The following RAB2B variants were observed in gnomAD, a reference collection of about 807,000 sequenced individuals.
The protein encoded by RAB2B is ras-related protein Rab-2B.
A neutral mutation model predicts 29.8 loss-of-function variants in RAB2B; 20 were observed. The observed-to-expected ratio is 0.67, with a 90% CI of 0.47 to 0.97. RAB2B has a LOEUF of 0.97. Ranked by LOEUF, RAB2B falls within the 50% of genes least tolerant of loss-of-function variation. RAB2B has a pLI of 0.00. For synonymous variants in RAB2B, 93 were observed against 91.7 expected (o/e 1.01, Z -0.08); for missense variants, 218 against 272.0 (o/e 0.80, Z 1.40).
intron 3 of RAB2B, 132 bp downstream of exon 3, chr14:21,474,735 C>A: frequency 1.5e-6 from 1 of 685,730 alleles, no homozygotes; most frequent in Non-Finnish European, 2.5e-6. Flanking sequence ...TCAAAAACTT[C>A]TCTCTTTGAT....
rs1237732327 is a variant in RAB2B at position 21,463,638 on chromosome 14, C to A, written c.474+18G>T. The stretch of plus-strand genomic sequence containing the variant: ...TGTAATCTCTAAAGAGCTTTCCCCA[C>A]TGTTTTCCAAATAGTACCTCTTCAA... On this transcript the variant is annotated intron_variant, in intron 6 of 7. Transcript: ENST00000397762. The A allele has an allele frequency of 6.7e-7, 1 of 1,498,150 alleles. No homozygotes were observed. The highest frequency in any genetic ancestry group is 1.1e-5 in the South Asian group (1 of 88,540). 92.8% of individuals were successfully genotyped at this position (1,498,150 alleles called of 1,614,324 possible). A position where few individuals can be genotyped will look rare whatever the true frequency, so the allele number is the denominator to read the frequency against.
At chr14:21,475,430 CTT>C (rs11408746) in intron 2 of RAB2B, among the ~76,000 whole-genome samples, 8 of 129,496 alleles carry the variant, frequency 6.2e-5, no homozygotes, top group African/African-American at 8.8e-5. Flanking sequence ...AGAAACAATA[CTT>C]TTTTTTTTTT....
intron 7 of RAB2B, among the ~76,000 whole-genome samples, chr14:21,461,556 C>G (rs1723264828): frequency 1.4e-5 from 2 of 143,310 alleles, no homozygotes; most frequent in Admixed American, 1.4e-4. Context: ...TCCTAGTTGA[C>G]TACAGTGGCT....
At chr14:21,464,901 G>A (rs1890651357) in intron 5 of RAB2B, among the ~76,000 whole-genome samples, 1 of 152,116 alleles carries the variant, frequency 6.6e-6, no homozygotes, top group South Asian at 2.1e-4. Flanking sequence ...TACGTGAGAG[G>A]CTGAGGTGAG....
At position 21,459,993 on chromosome 14, in the gene RAB2B, G is replaced by A; in HGVS notation, c.*1203C>T. ...TTTAGGTAATAATAAGTGGCCACAT[G>A]TCCCTGACCAACTTCACTGCTCTTA... On this transcript the variant is annotated 3_prime_UTR_variant, in exon 8 of 8. Coordinates refer to ENST00000397762, the MANE Select transcript of RAB2B (RefSeq NM_032846.4). 2.8e-6 allele frequency: 1 copy of A among 353,050 alleles called. No individual in the cohort carries two copies. Among genetic ancestry groups the A allele is most frequent in the Non-Finnish European group, 5.6e-6 (1 of 177,318 alleles). 21.9% of individuals were successfully genotyped at this position (353,050 alleles called of 1,614,324 possible). A position where few individuals can be genotyped will look rare whatever the true frequency, so the allele number is the denominator to read the frequency against.
intron 3 of RAB2B, 136 bp downstream of exon 3, chr14:21,474,731 A>T: frequency 3.0e-6 from 2 of 671,114 alleles, no homozygotes; most frequent in Non-Finnish European, 5.2e-6. Flanking sequence ...AGAATCAAAA[A>T]CTTCTCTCTT....
intron 3 of RAB2B, 89 bp from the exon 4 acceptor site, chr14:21,468,841 G>A: frequency 4.3e-6 from 3 of 696,170 alleles, no homozygotes; most frequent in Non-Finnish European, 6.5e-6. Context: ...CTAATACAAA[G>A]GACTTAACTA....
chr14:21,465,154 C>A (rs1183324222), intron 5 of RAB2B, among the ~76,000 whole-genome samples: 1 of 152,194 alleles, frequency 6.6e-6, no homozygotes, highest in African/African-American at 2.4e-5. Context: ...AACAACAAAT[C>A]TACAATATTT....
At chr14:21,468,280 A>C (rs1236113528) in intron 5 of RAB2B, 77 bp downstream of exon 5, 1 of 1,168,280 alleles carries the variant, frequency 8.6e-7, no homozygotes. Flanking sequence ...CTATAAACTG[A>C]GAAAGTTTGG....
At chr14:21,471,628 A>AG (rs1366519298) in intron 3 of RAB2B, among the ~76,000 whole-genome samples, 3 of 150,516 alleles carry the variant, frequency 2.0e-5, no homozygotes, top group African/African-American at 7.3e-5. Flanking sequence ...AAAAAAAAAA[A>AG]AAAGAAAAGA....
At chr14:21,465,195 C>A (rs945274400) in intron 5 of RAB2B, among the ~76,000 whole-genome samples, 3 of 152,158 alleles carry the variant, frequency 2.0e-5, no homozygotes, top group African/African-American at 7.2e-5. Flanking sequence ...TGTGTGAAGA[C>A]CAGGGAAGAT....
At chr14:21,468,811 C>T (rs965539375) in intron 3 of RAB2B, 59 bp from the exon 4 acceptor site, 131 of 1,170,408 alleles carry the variant, frequency 1.1e-4, no homozygotes, top group African/African-American at 1.7e-4. Context: ...TCCACAGAAC[C>T]GACTTGATCA....
At chr14:21,470,450 A>G (rs1742018179) in intron 3 of RAB2B, among the ~76,000 whole-genome samples, 1 of 152,184 alleles carries the variant, frequency 6.6e-6, no homozygotes, top group Non-Finnish European at 1.5e-5. Flanking sequence ...GAATTCCAGT[A>G]TACTAACTCT....
chr14:21,466,803 G>T (rs1180057905), intron 5 of RAB2B, among the ~76,000 whole-genome samples: 1 of 152,234 alleles, frequency 6.6e-6, no homozygotes, highest in East Asian at 1.9e-4. Context: ...AATGGGAAAT[G>T]AGAGTAGCAG....
At position 21,463,776 on chromosome 14, in the gene RAB2B, GATTA is replaced by G. The variant is rs1452660504; in HGVS notation, c.363-13_363-10del. On this transcript the variant is annotated splice_polypyrimidine_tract_variant and intron_variant, in intron 5 of 7. Transcript: ENST00000397762. Reference sequence around the variant, plus strand: ...TGCGGGACTCTAGGTCACTGCAAGAGATTAATTAAGGAGAAAATTTAAAAAAAAG... The same window carrying G: ...TGCGGGACTCTAGGTCACTGCAAGAGATTAAGGAGAAAATTTAAAAAAAAG... 4.0e-6 allele frequency: 6 copies of G among 1,511,820 alleles called. No homozygotes were observed. The highest frequency in any genetic ancestry group is 1.7e-4 in the Middle Eastern group (1 of 5,786). 93.7% of individuals were successfully genotyped at this position (1,511,820 alleles called of 1,614,324 possible).
chr14:21,476,857 G>A lies in RAB2B; in HGVS notation c.16C>T (p.Leu6Phe), dbSNP rs1464046990. Residue 6 changes from leucine to phenylalanine, a missense_variant, in exon 1 of 8, where the codon CTC becomes TTC. Transcript: ENST00000397762. MTYAY[L>F]FKYIIIGDTG... ...TCTCCGATGATGATATACTTGAAGA[G>A]ATAAGCATAAGTCATGGTGTCGCGT... The A allele has an allele frequency of 6.2e-7, 1 of 1,613,504 alleles. No individual in the cohort carries two copies. The highest frequency in any genetic ancestry group is 8.5e-7 in the Non-Finnish European group (1 of 1,180,018).
rs1890544563 is a variant in RAB2B, at chr14:21,461,140, A to C, written c.*56T>G. On this transcript the variant is annotated 3_prime_UTR_variant, in exon 8 of 8. Transcript: ENST00000397762. ...CAAAGCAAGAAAGACCTCTTTCATT[A>C]AGCCTATTGATCTGAAGCTATTCCA... 8.4e-7 allele frequency: 1 copy of C among 1,194,328 alleles called. No individual in the cohort carries two copies. Among genetic ancestry groups the C allele is most frequent in the East Asian group, 2.4e-5 (1 of 41,280 alleles). The allele number at this position is 1,194,328 out of a possible 1,614,324, so 74.0% of individuals were successfully genotyped here.
intron 2 of RAB2B, among the ~76,000 whole-genome samples, chr14:21,475,277 T>C (rs1376239832): frequency 6.6e-6 from 1 of 152,190 alleles, no homozygotes; most frequent in Middle Eastern, 3.2e-3. Flanking sequence ...TTTAGTTTTG[T>C]AACTTTTCCA....
intron 5 of RAB2B, 79 bp from the exon 6 acceptor site, chr14:21,463,846 G>T (rs878985196): frequency 3.2e-6 from 3 of 947,706 alleles, no homozygotes; most frequent in Admixed American, 4.6e-5. Context: ...AAAGAATTCC[G>T]TCGTGGTTTC....
Sources: allele counts gnomAD v4.1 joint callset (sites outside exome capture counted in the v4.1 genomes callset), GRCh38; gene constraint gnomAD v4.1.1; transcripts MANE v1.5; gene names NCBI Gene and HGNC (gene_info 2026-07-23, HGNC 2026-07-21).